Variants in FTO observed in about 807,000 individuals in gnomAD.
FTO encodes FTO alpha-ketoglutarate dependent dioxygenase.
A neutral mutation model predicts 63.9 loss-of-function variants in FTO; 47 were observed. That is an observed-to-expected ratio of 0.74 (90% CI 0.58 to 0.94). FTO has a LOEUF of 0.94. Ranked by LOEUF, FTO falls within the 40% of genes least tolerant of loss-of-function variation. FTO has a pLI of 0.00. For synonymous variants in FTO, 207 were observed against 224.4 expected (o/e 0.92, Z 0.69); for missense variants, 562 against 618.1 (o/e 0.91, Z 0.96).
intron 1 of FTO, among the ~76,000 whole-genome samples, chr16:53,739,011 G>A (rs920204959): frequency 6.6e-6 from 1 of 151,978 alleles, no homozygotes; most frequent in Non-Finnish European, 1.5e-5. Flanking sequence ...TTTTTGTAGA[G>A]ATAGGGTCTC....
At chr16:53,866,416 T>C (rs1020832707) in intron 4 of FTO, among the ~76,000 whole-genome samples, 6 of 152,220 alleles carry the variant, frequency 3.9e-5, no homozygotes, top group Admixed American at 3.9e-4. Context: ...AAGTATTCCC[T>C]GTGTTACCTT....
At chr16:54,054,948 C>T (rs1325702992) in intron 8 of FTO, among the ~76,000 whole-genome samples, 1 of 152,172 alleles carries the variant, frequency 6.6e-6, no homozygotes, top group African/African-American at 2.4e-5. Flanking sequence ...CATTCTCTTT[C>T]TTTGACACTA....
chr16:54,110,563 G>C (rs1444060588), intron 8 of FTO, among the ~76,000 whole-genome samples: 1 of 152,182 alleles, frequency 6.6e-6, no homozygotes, highest in Non-Finnish European at 1.5e-5. Flanking sequence ...TCCCCGGGGG[G>C]ATCCCCTCAC....
chr16:53,836,386 T>C (rs2079294030), intron 3 of FTO, among the ~76,000 whole-genome samples: 1 of 152,156 alleles, frequency 6.6e-6, no homozygotes, highest in Non-Finnish European at 1.5e-5. Context: ...CATAAATAGT[T>C]TTATGTGTGT....
intron 8 of FTO, among the ~76,000 whole-genome samples, chr16:54,012,772 A>G (rs2084358479): frequency 1.3e-5 from 2 of 152,104 alleles, no homozygotes; most frequent in African/African-American, 4.8e-5. Flanking sequence ...ATGATAGCAC[A>G]TCTGTTTATA....
chr16:54,004,556 C>A (rs750853422), intron 8 of FTO, among the ~76,000 whole-genome samples: 11 of 152,096 alleles, frequency 7.2e-5, no homozygotes, highest in Admixed American at 2.0e-4. Flanking sequence ...CTCCATGGAA[C>A]TAGAGCATAG....
intron 8 of FTO, among the ~76,000 whole-genome samples, chr16:53,946,884 A>G (rs1361958993): frequency 1.3e-5 from 2 of 152,160 alleles, no homozygotes; most frequent in Admixed American, 6.5e-5. Context: ...CAGTAATGAT[A>G]TTGTTAGCTT....
At chr16:53,766,459 G>A (rs1459847684) in intron 1 of FTO, among the ~76,000 whole-genome samples, 1 of 152,154 alleles carries the variant, frequency 6.6e-6, no homozygotes. Context: ...CTGGGCTCAA[G>A]TGATTTACCC....
At chr16:53,857,413 A>G (rs1340892116) in intron 4 of FTO, among the ~76,000 whole-genome samples, 1 of 151,294 alleles carries the variant, frequency 6.6e-6, no homozygotes. Context: ...TATGTCACCT[A>G]CTACTACTAA....
At chr16:53,856,492 T>C (rs2080001029) in intron 4 of FTO, among the ~76,000 whole-genome samples, 1 of 152,078 alleles carries the variant, frequency 6.6e-6, no homozygotes, top group Admixed American at 6.6e-5. Flanking sequence ...GTGAAAACTC[T>C]TTTATAAAAA....
chr16:54,093,374 T>C (rs1298445863), intron 8 of FTO, among the ~76,000 whole-genome samples: 1 of 152,248 alleles, frequency 6.6e-6, no homozygotes, highest in Non-Finnish European at 1.5e-5. Context: ...CCAGGTGGTC[T>C]CAGCTGCAGA....
chr16:54,081,101 T>C (rs1486501572), intron 8 of FTO, among the ~76,000 whole-genome samples: 1 of 152,114 alleles, frequency 6.6e-6, no homozygotes, highest in African/African-American at 2.4e-5. Context: ...TTTTCAGACC[T>C]GGAATCGCAT....
chr16:53,835,735 C>T (rs1274671684), intron 3 of FTO, among the ~76,000 whole-genome samples: 12 of 151,978 alleles, frequency 7.9e-5, no homozygotes, highest in African/African-American at 2.9e-4. Context: ...TTATTTCTTC[C>T]TCTCCAGTTT....
In FTO at chr16:54,118,073, T is replaced by C. The variant is rs1220866875; in HGVS notation, c.*6158T>C. 6.6e-6 allele frequency: 1 copy of C among 152,206 alleles called. No homozygotes were observed. The highest frequency in any genetic ancestry group is 1.5e-5 in the Non-Finnish European group (1 of 68,040). 9.4% of individuals were successfully genotyped at this position (152,206 alleles called of 1,614,324 possible). A position where few individuals can be genotyped will look rare whatever the true frequency, so the allele number is the denominator to read the frequency against. Reference sequence around the variant, plus strand: ...CTTGCCTTTAGACAAAATTCATCAATTTTACAAAAGCCACTGACTAAACAT... The same window carrying C: ...CTTGCCTTTAGACAAAATTCATCAACTTTACAAAAGCCACTGACTAAACAT... On this transcript the variant is annotated 3_prime_UTR_variant, in exon 9 of 9. Transcript: ENST00000471389.
At chr16:54,106,657 CATT>C (rs1367274765) in intron 8 of FTO, among the ~76,000 whole-genome samples, 10 of 132,878 alleles carry the variant, frequency 7.5e-5, no homozygotes, top group African/African-American at 2.5e-4. Flanking sequence ...ATAGTTATAT[CATT>C]ATATATTATA....
chr16:53,867,744 T>C (rs1353577230), intron 4 of FTO, among the ~76,000 whole-genome samples: 1 of 152,182 alleles, frequency 6.6e-6, no homozygotes, highest in Non-Finnish European at 1.5e-5. Flanking sequence ...TTCAACTATG[T>C]CCTTAATGAT....
chr16:53,713,946 A>G (rs4389136), intron 1 of FTO, among the ~76,000 whole-genome samples: 57,643 of 151,972 alleles, frequency 0.38, 11,966 homozygotes, highest in East Asian at 0.55. Context: ...TATTAGACGT[A>G]CATTTTTGTT....
intron 8 of FTO, among the ~76,000 whole-genome samples, chr16:54,076,599 T>C (rs1334873320): frequency 6.6e-6 from 1 of 152,228 alleles, no homozygotes; most frequent in East Asian, 1.9e-4. Context: ...TGTGTATACA[T>C]ATATGCCATA....
intron 1 of FTO, among the ~76,000 whole-genome samples, chr16:53,754,941 GA>G (rs138256325): frequency 0.024 from 3,632 of 152,136 alleles, 61 homozygotes; most frequent in Middle Eastern, 0.088. Context: ...AACGGTATTA[GA>G]GAAGACAGAC....
Sources: allele counts gnomAD v4.1 joint callset (sites outside exome capture counted in the v4.1 genomes callset), GRCh38; gene constraint gnomAD v4.1.1; transcripts MANE v1.5; gene names NCBI Gene and HGNC (gene_info 2026-07-23, HGNC 2026-07-21).